The following ITSN1 variants were observed in gnomAD, a reference collection of about 807,000 sequenced individuals.
ITSN1 encodes the protein intersectin-1.
In ITSN1, 58 loss-of-function variants were observed where a neutral mutation model predicts 239.8. The ratio of observed to expected loss-of-function variants is 0.24; its 90% confidence interval spans 0.20 to 0.30. The LOEUF is 0.30. ITSN1 is among the 10% of genes least tolerant of loss of function. The pLI, the probability that ITSN1 is intolerant of heterozygous loss-of-function variation, is 1.00. For missense variants in ITSN1, 1,558 were observed against 2,103.3 expected (o/e 0.74, Z 5.07); for synonymous variants, 780 against 770.8 (o/e 1.01, Z -0.20).
rs1354029852 is a variant in ITSN1 at position 33,816,812 on chromosome 21, A to C, written c.2728-1455A>C. Among the ~76,000 whole-genome samples the C allele has an allele frequency of 6.6e-5, 10 of 152,070 alleles. No homozygotes were observed. The East Asian group carries it at 1.2e-3, about 18-fold the overall frequency. On this transcript the variant is annotated intron_variant, in intron 22 of 39. Transcript: ENST00000381318. Reference sequence around the variant, plus strand: ...GGAAAATGGAAGGTCGAGAATATACAATCTTAGGGGTGTTCGAAATCCAGG... The same window carrying C: ...GGAAAATGGAAGGTCGAGAATATACCATCTTAGGGGTGTTCGAAATCCAGG...
At chr21:33,728,953 G>A (rs2065999047) in intron 4 of ITSN1, among the ~76,000 whole-genome samples, 1 of 151,970 alleles carries the variant, frequency 6.6e-6, no homozygotes, top group Non-Finnish European at 1.5e-5. Context: ...CACTGCTGCT[G>A]GGTCTCACCT....
In ITSN1 at chr21:33,848,344, C is replaced by G. The variant is rs116858823; in HGVS notation, c.3662-8392C>G. 2.6e-4 allele frequency among the ~76,000 whole-genome samples: 39 copies of G among 152,284 alleles called. 1 individual carries two copies. The East Asian group carries it at 6.9e-3, about 27-fold the overall frequency. The stretch of plus-strand genomic sequence containing the variant: ...TGCATGCACAGAGGAAAGACCCTGC[C>G]GAGGAGAGAGGCCTCAGGAGGAACC... On this transcript the variant is annotated intron_variant, in intron 29 of 39. Transcript: ENST00000381318.
Position 33,810,822 on chromosome 21 carries a change from A to T in ITSN1, c.2320-153A>T, listed in dbSNP as rs931550638. ...TTTTTTTTTCAGCATTACTGCTTAG[A>T]CTCTTTTCCCAGACACTTGGACTAA... On this transcript the variant is annotated intron_variant, in intron 20 of 39. Transcript: ENST00000381318. The T allele has an allele frequency of 1.2e-4, 104 of 895,422 alleles. No individual in the cohort carries two copies. The African/African-American group carries it at 1.6e-3, about 14-fold the overall frequency. The allele number at this position is 895,422 out of a possible 1,614,324, so 55.5% of individuals were successfully genotyped here.
At chr21:33,688,212 G>A (rs2091343819) in intron 1 of ITSN1, among the ~76,000 whole-genome samples, 1 of 152,130 alleles carries the variant, frequency 6.6e-6, no homozygotes, top group African/African-American at 2.4e-5. Context: ...ATACCATGAA[G>A]TTTAGGAAAC....
At chr21:33,654,196 C>T (rs1459276509) in intron 1 of ITSN1, among the ~76,000 whole-genome samples, 1 of 151,624 alleles carries the variant, frequency 6.6e-6, no homozygotes, top group African/African-American at 2.4e-5. Context: ...ACAGCCACAG[C>T]CACGCACCAC....
At position 33,673,949 on chromosome 21, in the gene ITSN1, A is replaced by G. The variant is rs1383044589; in HGVS notation, c.-33+31236A>G. On this transcript the variant is annotated intron_variant, in intron 1 of 39. Transcript: ENST00000381318. Reference sequence around the variant, plus strand: ...GGGATCATTTATTTGTTCAGGATAAAATGTTTTTGAAGTTTTTAGCACACC... The same window carrying G: ...GGGATCATTTATTTGTTCAGGATAAGATGTTTTTGAAGTTTTTAGCACACC... Among the ~76,000 whole-genome samples the G allele has an allele frequency of 5.3e-5, 8 of 152,300 alleles. 1 individual carries two copies. In the South Asian group the frequency reaches 1.7e-3, roughly 32 times the overall value.
At chr21:33,794,530 C>A in intron 17 of ITSN1, 62 bp downstream of exon 17, 1 of 1,550,580 alleles carries the variant, frequency 6.4e-7, no homozygotes. Context: ...CTATTCTTTG[C>A]TTGGCTTCTC....
chr21:33,747,914 ATATG>A (rs1018442898), intron 5 of ITSN1, among the ~76,000 whole-genome samples: 3 of 152,186 alleles, frequency 2.0e-5, no homozygotes, highest in African/African-American at 4.8e-5. Context: ...AAAATGGTAA[ATATG>A]TAGGTTAATT....
chr21:33,797,409 G>A lies in ITSN1; in HGVS notation c.1983G>A (p.Leu661=), dbSNP rs1569199734. 9.9e-6 allele frequency: 16 copies of A among 1,613,974 alleles called. No individual in the cohort carries two copies. The highest frequency in any genetic ancestry group is 1.3e-5 in the Non-Finnish European group (15 of 1,179,918). ...CTCAGGAAAGGGACAAGCAGTGGCT[G>A]GAGCATGTGCAGCAGGAGGACGAGC... ...RRAQERDKQW[L]EHVQQEDEHQ... Residue 661 remains leucine (L), a synonymous_variant, in exon 18 of 40, where the codon CTG becomes CTA. Transcript: ENST00000381318. The surrounding 1 kb of genome is among the most constrained non-coding windows in gnomAD (Gnocchi z 4.9).
chr21:33,810,590 A>T (rs1167847220), intron 20 of ITSN1, among the ~76,000 whole-genome samples: 3 of 152,106 alleles, frequency 2.0e-5, no homozygotes, highest in African/African-American at 7.2e-5. Flanking sequence ...CTTTGCTTTC[A>T]ACTTTAAGTA....
intron 1 of ITSN1, among the ~76,000 whole-genome samples, chr21:33,660,827 G>C (rs1268365048): frequency 6.6e-6 from 1 of 152,090 alleles, no homozygotes; most frequent in African/African-American, 2.4e-5. Flanking sequence ...AAAATCTGTT[G>C]ATCCATCCTA....
chr21:33,712,263 A>G (rs2092438262), intron 1 of ITSN1, among the ~76,000 whole-genome samples: 1 of 152,022 alleles, frequency 6.6e-6, no homozygotes, highest in Admixed American at 6.6e-5. Flanking sequence ...TATCCTGGAC[A>G]TTGTGAGTTT....
In ITSN1 at chr21:33,891,825, C is replaced by T. The variant is rs1003836832; in HGVS notation, c.*3525C>T. On this transcript the variant is annotated 3_prime_UTR_variant, in exon 40 of 40. Transcript: ENST00000381318. ...ACCTTGTATAAGCAGAAAAAGACTT[C>T]TCTATCTCCACTCCAAGTCGTTTTT... 2 of 152,216 alleles carry T rather than the reference C, an allele frequency of 1.3e-5. No individual in the cohort carries two copies. Among genetic ancestry groups the T allele is most frequent in the African/African-American group, 4.8e-5 (2 of 41,458 alleles). 9.4% of individuals were successfully genotyped at this position (152,216 alleles called of 1,614,324 possible). A position where few individuals can be genotyped will look rare whatever the true frequency, so the allele number is the denominator to read the frequency against.
intron 4 of ITSN1, among the ~76,000 whole-genome samples, chr21:33,724,097 T>TTTG (rs2065671038): frequency 1.3e-5 from 2 of 150,656 alleles, no homozygotes; most frequent in South Asian, 4.2e-4. Flanking sequence ...GTGTGTGTGT[T>TTTG]TGTGTGTGTG....
At chr21:33,818,801 G>A (rs1247186590) in intron 23 of ITSN1, among the ~76,000 whole-genome samples, 1 of 152,212 alleles carries the variant, frequency 6.6e-6, no homozygotes, top group African/African-American at 2.4e-5. Flanking sequence ...CCAGATATAT[G>A]TGAATACTTG....
intron 20 of ITSN1, among the ~76,000 whole-genome samples, chr21:33,810,021 G>A (rs926478702): frequency 2.2e-4 from 34 of 152,134 alleles, no homozygotes; most frequent in Admixed American, 1.2e-3. Context: ...TCAAACTTCC[G>A]ACCTCTGGTA....
intron 21 of ITSN1, among the ~76,000 whole-genome samples, chr21:33,813,338 C>CCACA (rs1441125598): frequency 6.6e-5 from 10 of 151,992 alleles, no homozygotes; most frequent in African/African-American, 2.4e-4. Flanking sequence ...CTCAATGCCA[C>CCACA]CACACCCAGC....
At chr21:33,643,299 T>C (rs1384597383) in intron 1 of ITSN1, 1 of 152,066 alleles carries the variant, frequency 6.6e-6, no homozygotes, top group African/African-American at 2.4e-5. Flanking sequence ...CCTGAAGGCA[T>C]TTAAAGGGGA....
At chr21:33,824,568 T>A (rs567565724) in intron 25 of ITSN1, among the ~76,000 whole-genome samples, 1 of 152,222 alleles carries the variant, frequency 6.6e-6, no homozygotes, top group East Asian at 1.9e-4. Flanking sequence ...AGTGAGCAAG[T>A]GGACAAAGTT....
Sources: allele counts gnomAD v4.1 joint callset (sites outside exome capture counted in the v4.1 genomes callset), GRCh38; gene constraint gnomAD v4.1.1; non-coding constraint Gnocchi (gnomAD v3.1); transcripts MANE v1.5; gene names NCBI Gene and HGNC (gene_info 2026-07-23, HGNC 2026-07-21).